The following FGF12 variants were observed in gnomAD, a reference collection of about 807,000 sequenced individuals.
FGF12 encodes the protein fibroblast growth factor 12B.
In FGF12, 14 loss-of-function variants were observed where a neutral mutation model predicts 23.6. The ratio of observed to expected loss-of-function variants is 0.59; its 90% CI spans 0.39 to 0.93. FGF12 has a LOEUF of 0.93. FGF12 is among the 40% of genes least tolerant of loss of function. FGF12 has a pLI of 0.00. For synonymous variants in FGF12, 62 were observed against 77.3 expected, an observed-to-expected ratio of 0.80 and a Z score of 1.04; for missense variants, 175 against 217.8, an observed-to-expected ratio of 0.80 and a Z score of 1.24.
At chr3:192,244,288 A>G (rs1719771752) in intron 4 of FGF12, among the ~76,000 whole-genome samples, 1 of 152,110 alleles carries the variant, frequency 6.6e-6, no homozygotes, top group African/African-American at 2.4e-5. Flanking sequence ...TATTGAGGCA[A>G]ACTTTCAGAA....
chr3:192,430,722 TAGGGTGAA>T (rs1721837214), intron 2 of FGF12, among the ~76,000 whole-genome samples: 1 of 152,078 alleles, frequency 6.6e-6, no homozygotes, highest in Non-Finnish European at 1.5e-5. Context: ...AGTTTGGCCC[TAGGGTGAA>T]AGGGGGAATG....
intron 2 of FGF12, among the ~76,000 whole-genome samples, chr3:192,618,760 T>C (rs1056881770): frequency 2.3e-4 from 34 of 144,774 alleles, no homozygotes; most frequent in Admixed American, 1.5e-3. Context: ...AGTTCGACTA[T>C]CTTATAATAC....
At chr3:192,251,126 G>A (rs78648907) in intron 4 of FGF12, among the ~76,000 whole-genome samples, 2,866 of 152,142 alleles carry the variant, frequency 0.019, 72 homozygotes, top group African/African-American at 0.054. Context: ...GTCACTCTAT[G>A]GAAACTCTTC....
At chr3:192,713,669 ATCTG>A (rs1456913288) in intron 2 of FGF12, among the ~76,000 whole-genome samples, 1 of 152,146 alleles carries the variant, frequency 6.6e-6, no homozygotes, top group East Asian at 1.9e-4. Context: ...TGTCGTTGCC[ATCTG>A]TCTAACTGCA....
intron 2 of FGF12, among the ~76,000 whole-genome samples, chr3:192,706,197 A>G (rs1017524873): frequency 2.0e-5 from 3 of 152,212 alleles, no homozygotes; most frequent in African/African-American, 7.2e-5. Flanking sequence ...TATATTCAAA[A>G]TATGTATATT....
Position 192,409,371 on chromosome 3 carries a change from C to G in FGF12, c.14-48833G>C, listed in dbSNP as rs545014900. Among the ~76,000 whole-genome samples the G allele has an allele frequency of 6.6e-6, 1 of 152,158 alleles. No homozygotes were observed. Among genetic ancestry groups the G allele is most frequent in the Admixed American group, 6.5e-5 (1 of 15,294 alleles). On this transcript the variant is annotated intron_variant, in intron 2 of 5. Coordinates refer to ENST00000445105, the MANE Select transcript of FGF12 (RefSeq NM_004113.6). The surrounding 1 kb of genome is among the most constrained non-coding windows in gnomAD (Gnocchi z 4.8). Reference sequence around the variant, plus strand: ...CATGGTCCACCCGGGGCCGCCGCACCGAGCTGGTCTCCGCACAGGCTCAGA... The same window carrying G: ...CATGGTCCACCCGGGGCCGCCGCACGGAGCTGGTCTCCGCACAGGCTCAGA...
At chr3:192,697,905 T>C (rs1038700959) in intron 2 of FGF12, among the ~76,000 whole-genome samples, 9 of 152,178 alleles carry the variant, frequency 5.9e-5, no homozygotes, top group Non-Finnish European at 1.3e-4. Context: ...ATGTTGCCTC[T>C]TCAGTGAGGT....
chr3:192,663,028 T>G (rs1349484448), intron 2 of FGF12, among the ~76,000 whole-genome samples: 1 of 152,162 alleles, frequency 6.6e-6, no homozygotes, highest in Non-Finnish European at 1.5e-5. Context: ...AATACCAGAA[T>G]TCTGGTTCAT....
chr3:192,248,628 A>G (rs946718077), intron 4 of FGF12, among the ~76,000 whole-genome samples: 12 of 152,094 alleles, frequency 7.9e-5, no homozygotes, highest in African/African-American at 2.9e-4. Flanking sequence ...AAAACAAAAA[A>G]TTAGCCAGGT....
At chr3:192,638,492 C>T (rs1333541082) in intron 2 of FGF12, among the ~76,000 whole-genome samples, 1 of 152,110 alleles carries the variant, frequency 6.6e-6, no homozygotes, top group African/African-American at 2.4e-5. Flanking sequence ...TAAAATGTTA[C>T]CTGTAGCTTC....
chr3:192,442,092 C>T (rs1722217588), intron 2 of FGF12, among the ~76,000 whole-genome samples: 1 of 152,138 alleles, frequency 6.6e-6, no homozygotes, highest in South Asian at 2.1e-4. Context: ...ACAGGACGAC[C>T]AACTAGAGAC....
chr3:192,592,219 T>A (rs1233616756), intron 2 of FGF12, among the ~76,000 whole-genome samples: 1 of 151,886 alleles, frequency 6.6e-6, no homozygotes, highest in East Asian at 1.9e-4. Context: ...TTGATGAAGA[T>A]TGCACACATT....
chr3:192,351,289 G>C (rs1301622897), intron 3 of FGF12, among the ~76,000 whole-genome samples: 3 of 152,092 alleles, frequency 2.0e-5, no homozygotes, highest in Non-Finnish European at 2.9e-5. Context: ...GAGAAATGAG[G>C]GGTGGGGGAA....
intron 2 of FGF12, among the ~76,000 whole-genome samples, chr3:192,586,179 A>G (rs1441446270): frequency 6.6e-6 from 1 of 152,244 alleles, no homozygotes; most frequent in Non-Finnish European, 1.5e-5. Flanking sequence ...GATATAACCC[A>G]GATGAGACAA....
chr3:192,588,691 C>T (rs969921299), intron 2 of FGF12, among the ~76,000 whole-genome samples: 1 of 151,896 alleles, frequency 6.6e-6, no homozygotes, highest in African/African-American at 2.4e-5. Context: ...TGTTAAAGCT[C>T]AGAAAATTAA....
chr3:192,202,730 C>T (rs1560190591), intron 4 of FGF12, among the ~76,000 whole-genome samples: 1 of 152,114 alleles, frequency 6.6e-6, no homozygotes, highest in Non-Finnish European at 1.5e-5. Flanking sequence ...CGGGTTCTAT[C>T]ACCAGAAAGT....
At chr3:192,635,606 C>T (rs932213548) in intron 2 of FGF12, among the ~76,000 whole-genome samples, 2 of 152,256 alleles carry the variant, frequency 1.3e-5, no homozygotes, top group Middle Eastern at 3.4e-3. Flanking sequence ...GGCCTGACAC[C>T]GTGTATACAT....
chr3:192,636,175 A>G (rs1715575116), intron 2 of FGF12, among the ~76,000 whole-genome samples: 1 of 152,146 alleles, frequency 6.6e-6, no homozygotes, highest in African/African-American at 2.4e-5. Context: ...AACTCACCTT[A>G]TATGTTATAT....
Position 192,321,519 on chromosome 3 carries a change from A to C in FGF12, c.228+13842T>G, listed in dbSNP as rs191682366. On this transcript the variant is annotated intron_variant, in intron 4 of 5. Coordinates refer to ENST00000445105, the MANE Select transcript of FGF12 (RefSeq NM_004113.6). ...TCAAAAAAAAAAAAAAAACCACACA[A>C]AAAAACTATAGGCTAGTGTCTCTGT... Among the ~76,000 whole-genome samples, 159 of 151,764 alleles carry C rather than the reference A, an allele frequency of 1.0e-3. 1 individual carries two copies. Among genetic ancestry groups the C allele is most frequent in the African/African-American group, 3.7e-3 (152 of 41,416 alleles).
Sources: gnomAD v4.1 joint callset for allele counts (sites outside exome capture counted in the v4.1 genomes callset) on GRCh38, gnomAD v4.1.1 for gene constraint, Gnocchi (gnomAD v3.1) non-coding constraint, MANE v1.5 for transcripts, NCBI Gene and HGNC (gene_info 2026-07-23, HGNC 2026-07-21) for gene names.